The following RBFOX1 variants were observed in gnomAD, a reference collection of about 807,000 sequenced individuals.
RBFOX1 encodes the protein RNA binding protein fox-1 homolog 1.
A neutral mutation model predicts 57.7 loss-of-function variants in RBFOX1; 8 were observed. The ratio of observed to expected loss-of-function variants is 0.14; its 90% CI spans 0.08 to 0.25. The LOEUF (loss-of-function observed/expected upper bound fraction) is 0.25. Ranked by LOEUF, RBFOX1 falls within the 10% of genes least tolerant of loss-of-function variation. The pLI is 1.00. For missense variants in RBFOX1, 611 were observed against 548.5 expected, an observed-to-expected ratio of 1.11 and a Z score of -1.14; for synonymous variants, 326 against 222.4, an observed-to-expected ratio of 1.47 and a Z score of -4.15.
At chr16:7,043,262 T>G (rs1454277698) in intron 3 of RBFOX1, among the ~76,000 whole-genome samples, 1 of 152,204 alleles carries the variant, frequency 6.6e-6, no homozygotes, top group African/African-American at 2.4e-5. Context: ...CCTGGAACCC[T>G]GTTTTTTCTT....
At chr16:6,566,918 G>C (rs1033993192) in intron 2 of RBFOX1, among the ~76,000 whole-genome samples, 1 of 152,074 alleles carries the variant, frequency 6.6e-6, no homozygotes, top group Non-Finnish European at 1.5e-5. Context: ...TTTGAACATA[G>C]ACCACAAAAA....
In RBFOX1 at chr16:7,065,391, G is replaced by T. The variant is rs1287244058; in HGVS notation, c.27+13293G>T. 2.0e-5 allele frequency among the ~76,000 whole-genome samples: 3 copies of T among 152,066 alleles called. No homozygotes were observed. The East Asian group carries it at 5.8e-4, about 29-fold the overall frequency. ...CACTCCACCTGCCCACTCGTGTTCA[G>T]CATCATCTCCAAGCACCCTGCCTCG... On this transcript the variant is annotated intron_variant, in intron 4 of 15. Transcript: ENST00000550418.
intron 3 of RBFOX1, among the ~76,000 whole-genome samples, chr16:6,900,846 C>G (rs993429854): frequency 6.6e-6 from 1 of 152,158 alleles, no homozygotes; most frequent in Admixed American, 6.5e-5. Flanking sequence ...GAGTGTTTGT[C>G]TTTGTGTGAG....
chr16:6,317,109 G>T (rs1051586859), intron 2 of RBFOX1, 52 bp downstream of exon 2: 16 of 1,447,148 alleles, frequency 1.1e-5, no homozygotes, highest in Non-Finnish European at 1.3e-5. Flanking sequence ...CCATGTCTTT[G>T]ATCCTGTTCT....
chr16:6,548,692 CG>C (rs1281090375), intron 2 of RBFOX1, among the ~76,000 whole-genome samples: 3 of 152,166 alleles, frequency 2.0e-5, no homozygotes, highest in Non-Finnish European at 4.4e-5. Context: ...GAAGATTTCA[CG>C]ATGTCGCAAG....
intron 4 of RBFOX1, among the ~76,000 whole-genome samples, chr16:7,439,842 G>A (rs1383664664): frequency 6.6e-6 from 1 of 152,118 alleles, no homozygotes; most frequent in Non-Finnish European, 1.5e-5. Context: ...GATCTAGGTG[G>A]AAAAGAGAAG....
At chr16:5,687,471 A>T (rs1381699663) in intron 3 of RBFOX1, among the ~76,000 whole-genome samples, 1 of 152,224 alleles carries the variant, frequency 6.6e-6, no homozygotes. Context: ...GTATTAAATT[A>T]GACAGCAAAG....
chr16:6,506,874 C>G lies in RBFOX1; in HGVS notation c.-63-147729C>G, dbSNP rs141899711. 4.7e-3 allele frequency among the ~76,000 whole-genome samples: 710 copies of G among 152,246 alleles called. 1 individual carries two copies. Among genetic ancestry groups the G allele is most frequent in the Non-Finnish European group, 7.3e-3 (498 of 68,026 alleles). Reference sequence around the variant, plus strand: ...TGTTGGCCAGGCTGGTCTCAAACTCCTGACCTCAAGTGATCCACCTGCCTT... The same window carrying G: ...TGTTGGCCAGGCTGGTCTCAAACTCGTGACCTCAAGTGATCCACCTGCCTT... On this transcript the variant is annotated intron_variant, in intron 2 of 15. Coordinates refer to ENST00000550418, the MANE Select transcript of RBFOX1 (RefSeq NM_018723.4).
intron 2 of RBFOX1, among the ~76,000 whole-genome samples, chr16:6,450,811 A>ATATATATG (rs1567303343): frequency 0.013 from 309 of 24,118 alleles, 34 homozygotes; most frequent in African/African-American, 0.072. Context: ...GTATATATAT[A>ATATATATG]TATATACATA....
chr16:5,761,292 C>A (rs1036078007), intron 3 of RBFOX1, among the ~76,000 whole-genome samples: 1 of 152,070 alleles, frequency 6.6e-6, no homozygotes, highest in African/African-American at 2.4e-5. Flanking sequence ...AGAATGTGCC[C>A]CCCAACTTTT....
chr16:7,639,766 A>G (rs552374917), intron 11 of RBFOX1, among the ~76,000 whole-genome samples: 2 of 152,150 alleles, frequency 1.3e-5, no homozygotes, highest in Non-Finnish European at 2.9e-5. Flanking sequence ...CACTGTAGAC[A>G]GGTGCCCTTT....
intron 2 of RBFOX1, among the ~76,000 whole-genome samples, chr16:6,462,026 G>A (rs2153065914): frequency 1.3e-5 from 2 of 152,194 alleles, no homozygotes; most frequent in African/African-American, 4.8e-5. Flanking sequence ...TTAAGAAAAA[G>A]GGTCATGATT....
intron 4 of RBFOX1, among the ~76,000 whole-genome samples, chr16:7,207,767 C>T (rs2090293185): frequency 1.3e-5 from 2 of 152,194 alleles, no homozygotes; most frequent in Admixed American, 6.5e-5. Flanking sequence ...TTGCCTGTTG[C>T]ACCCAGTTCA....
At chr16:5,665,978 G>A (rs926266033) in intron 3 of RBFOX1, among the ~76,000 whole-genome samples, 4 of 152,214 alleles carry the variant, frequency 2.6e-5, no homozygotes, top group Non-Finnish European at 4.4e-5. Flanking sequence ...GGGTGAATGG[G>A]ATAATCAGGC....
chr16:6,046,399 T>C (rs1342371110), intron 1 of RBFOX1, among the ~76,000 whole-genome samples: 2 of 152,170 alleles, frequency 1.3e-5, no homozygotes, highest in Non-Finnish European at 2.9e-5. Flanking sequence ...TTGTAGGGTT[T>C]GACAAGACCC....
chr16:5,303,884 C>A (rs1407408851), intron 1 of RBFOX1, among the ~76,000 whole-genome samples: 2 of 152,102 alleles, frequency 1.3e-5, no homozygotes, highest in Non-Finnish European at 2.9e-5. Flanking sequence ...GGAGGAGGCC[C>A]ACACCCTGCA....
At chr16:6,195,250 C>A (rs537813372) in intron 1 of RBFOX1, among the ~76,000 whole-genome samples, 2 of 152,168 alleles carry the variant, frequency 1.3e-5, no homozygotes, top group Non-Finnish European at 2.9e-5. Context: ...TGTTTAGAGT[C>A]CGCCATCTTG....
In RBFOX1 at chr16:5,826,053, A is replaced by T. The variant is rs796521989; in HGVS notation, c.319-41250A>T. On this transcript the variant is annotated intron_variant, in intron 3 of 19. Transcript: ENST00000641259. ...TATTCCGTAATATGAATAAGGAATA[A>T]TATTCCTTAATATGAATAAGGAATA... Among the ~76,000 whole-genome samples the T allele has an allele frequency of 5.9e-5, 8 of 134,888 alleles. 1 individual carries two copies. The highest frequency in any genetic ancestry group is 1.8e-4 in the African/African-American group (6 of 32,466). The allele number at this position is 134,888 out of a possible 152,430, so 88.5% of individuals were successfully genotyped here. A position where few individuals can be genotyped will look rare whatever the true frequency, so the allele number is the denominator to read the frequency against.
At chr16:5,641,543 T>C (rs2151331088) in intron 3 of RBFOX1, among the ~76,000 whole-genome samples, 1 of 152,336 alleles carries the variant, frequency 6.6e-6, no homozygotes, top group African/African-American at 2.4e-5. Context: ...CTGTGCCACC[T>C]AGCTCCTGAG....
Sources: allele counts gnomAD v4.1 joint callset (sites outside exome capture counted in the v4.1 genomes callset), GRCh38; gene constraint gnomAD v4.1.1; transcripts MANE v1.5; gene names NCBI Gene and HGNC (gene_info 2026-07-23, HGNC 2026-07-21).